The following BTBD8 variants were observed in gnomAD, a reference collection of about 807,000 sequenced individuals.
BTBD8 encodes the protein BTB domain containing 8.
A neutral mutation model predicts 162.9 loss-of-function variants in BTBD8; 110 were observed. The observed-to-expected ratio is 0.68, with a 90% CI of 0.58 to 0.79. The LOEUF is 0.79. BTBD8 is among the 30% of genes least tolerant of loss of function. The pLI is 0.00. For synonymous variants in BTBD8, 667 were observed against 716.1 expected (o/e 0.93, Z 1.10); for missense variants, 1,905 against 2,085.4 (o/e 0.91, Z 1.68).
chr1:92,169,964 A>G (rs965519145), intron 12 of BTBD8, among the ~76,000 whole-genome samples: 4 of 152,094 alleles, frequency 2.6e-5, no homozygotes, highest in Non-Finnish European at 5.9e-5. Context: ...CCTTGTGACT[A>G]TTTCTGTGCT....
chr1:92,122,732 T>G (rs1557447572), intron 4 of BTBD8, among the ~76,000 whole-genome samples: 1 of 151,976 alleles, frequency 6.6e-6, no homozygotes, highest in Non-Finnish European at 1.5e-5. Flanking sequence ...GCCTGGCTAA[T>G]TTTTGTACTT....
intron 2 of BTBD8, among the ~76,000 whole-genome samples, chr1:92,099,697 T>C (rs1325723064): frequency 6.6e-6 from 1 of 152,224 alleles, no homozygotes; most frequent in Non-Finnish European, 1.5e-5. Context: ...AGTGCTAGTA[T>C]ATAAAAACAT....
rs757038013 is a variant in BTBD8, at chr1:92,102,674, G to T, written c.544+5G>T. On this transcript the variant is annotated splice_donor_5th_base_variant and intron_variant, in intron 3 of 17. Transcript: ENST00000636805. ...ATGATGATTTCATTTCCAATGGTGA[G>T]GTATTTTTTATGGAGTTGTATTTAT... 1.4e-6 allele frequency: 2 copies of T among 1,456,998 alleles called. No individual in the cohort carries two copies. The highest frequency in any genetic ancestry group is 1.8e-6 in the Non-Finnish European group (2 of 1,097,980). 90.3% of individuals were successfully genotyped at this position (1,456,998 alleles called of 1,614,324 possible). A position where few individuals can be genotyped will look rare whatever the true frequency, so the allele number is the denominator to read the frequency against.
At chr1:92,100,267 T>C (rs753477250) in intron 2 of BTBD8, among the ~76,000 whole-genome samples, 5 of 152,226 alleles carry the variant, frequency 3.3e-5, no homozygotes, top group Non-Finnish European at 5.9e-5. Flanking sequence ...TTATTTACAC[T>C]AATAAGGAAT....
chr1:92,117,126 A>G (rs1383193188), intron 4 of BTBD8, among the ~76,000 whole-genome samples: 1 of 151,910 alleles, frequency 6.6e-6, no homozygotes, highest in East Asian at 1.9e-4. Flanking sequence ...CTGGGATTAC[A>G]GGTGTGACCT....
chr1:92,148,730 C>A (rs1204693252), intron 9 of BTBD8, among the ~76,000 whole-genome samples: 1 of 152,078 alleles, frequency 6.6e-6, no homozygotes, highest in Non-Finnish European at 1.5e-5. Flanking sequence ...AGTCTTAATC[C>A]CCAAAAGAAG....
chr1:92,183,746 C>A, intron 17 of BTBD8, 118 bp from the exon 18 acceptor site: 1 of 550,600 alleles, frequency 1.8e-6, no homozygotes, highest in Non-Finnish European at 2.9e-6. Context: ...GTTATTTTTC[C>A]CATTCTGTGT....
At chr1:92,133,082 C>T (rs969191806) in intron 5 of BTBD8, among the ~76,000 whole-genome samples, 6 of 152,120 alleles carry the variant, frequency 3.9e-5, no homozygotes, top group Non-Finnish European at 5.9e-5. Context: ...TAAAAAATTA[C>T]ATCTTTTAGG....
chr1:92,088,984 T>C, intron 2 of BTBD8, 89 bp downstream of exon 2: 1 of 1,201,156 alleles, frequency 8.3e-7, no homozygotes, highest in Non-Finnish European at 1.1e-6. Flanking sequence ...TCATATGTAT[T>C]TTGTAACCTG....
chr1:92,093,187 A>ATTTTTT (rs5776134), intron 2 of BTBD8, among the ~76,000 whole-genome samples: 3 of 119,844 alleles, frequency 2.5e-5, no homozygotes, highest in Non-Finnish European at 3.3e-5. Context: ...TGAAATACCA[A>ATTTTTT]TTTTTTTTTT....
At chr1:92,150,403 A>G (rs909471969) in intron 9 of BTBD8, among the ~76,000 whole-genome samples, 3 of 152,226 alleles carry the variant, frequency 2.0e-5, no homozygotes, top group African/African-American at 7.2e-5. Flanking sequence ...CAAGGAATAA[A>G]TGTTTGCAAA....
chr1:92,103,772 C>T (rs1648656573), intron 3 of BTBD8, among the ~76,000 whole-genome samples: 1 of 152,170 alleles, frequency 6.6e-6, no homozygotes, highest in Non-Finnish European at 1.5e-5. Flanking sequence ...GAATGTTTCT[C>T]AATTTTTCTG....
intron 1 of BTBD8, among the ~76,000 whole-genome samples, chr1:92,086,233 T>A (rs1005903366): frequency 6.6e-6 from 1 of 152,178 alleles, no homozygotes; most frequent in African/African-American, 2.4e-5. Flanking sequence ...AGGGGTTTAA[T>A]GCCCTGGGCT....
At chr1:92,092,520 A>G (rs1438856208) in intron 2 of BTBD8, among the ~76,000 whole-genome samples, 3 of 152,140 alleles carry the variant, frequency 2.0e-5, no homozygotes, top group African/African-American at 4.8e-5. Flanking sequence ...CCAGAACCCA[A>G]CATACTGGCA....
rs142987645 is a variant in BTBD8, at chr1:92,142,104, T to C, written c.930+893T>C. On this transcript the variant is annotated intron_variant, in intron 7 of 17. Transcript: ENST00000636805. ...AGTACCACGAACACTACCAACCCCA[T>C]AAGGTTTACTGAGAAATAGTTAACC... is the stretch of plus-strand genomic sequence containing the variant. Among the ~76,000 whole-genome samples the C allele has an allele frequency of 1.8e-3, 268 of 152,288 alleles. 3 individuals carry two copies. Among genetic ancestry groups the C allele is most frequent in the African/African-American group, 5.9e-3 (245 of 41,562 alleles).
chr1:92,110,706 C>A (rs917740474), intron 4 of BTBD8, among the ~76,000 whole-genome samples: 2 of 152,184 alleles, frequency 1.3e-5, no homozygotes, highest in Non-Finnish European at 2.9e-5. Flanking sequence ...CCACGCCTGG[C>A]TAATTTTTTG....
chr1:92,138,519 GT>G (rs1553123789), intron 5 of BTBD8, among the ~76,000 whole-genome samples: 2 of 152,212 alleles, frequency 1.3e-5, no homozygotes, highest in Non-Finnish European at 2.9e-5. Context: ...CTGAGAGAAA[GT>G]TTGAATCTGC....
At chr1:92,129,861 C>T (rs1213823455) in intron 5 of BTBD8, 85 bp downstream of exon 5, 1 of 1,138,416 alleles carries the variant, frequency 8.8e-7, no homozygotes, top group Non-Finnish European at 1.3e-6. Flanking sequence ...ATCTGATTTC[C>T]CTGGATGTTC....
chr1:92,167,952 C>G lies in BTBD8; in HGVS notation c.1410C>G (p.Asp470Glu), dbSNP rs768235701. The change falls in exon 11 of 18, where the codon GAC (aspartate) becomes GAG (glutamate). Residue 470 changes from aspartate (D) to glutamate (E), a missense_variant. Around this residue, in one of 3 missense-constraint regions of BTBD8, gnomAD observed 1,374 missense variants for 1,442.7 expected, o/e 0.95. Coordinates refer to ENST00000636805, the MANE Select transcript of BTBD8 (RefSeq NM_001376131.1). ...ENSCSLLMAL[D>E]TLLNSDSTKE... ...GCTGCTCTCTTCTTATGGCTCTGGA[C>G]ACACTGCTGAACTCTGACAGTACAA... 1 of 1,549,776 alleles carries G rather than the reference C, an allele frequency of 6.5e-7. No homozygotes were observed. The highest frequency in any genetic ancestry group is 1.4e-5 in the African/African-American group (1 of 73,010).
Sources: gnomAD v4.1 joint callset for allele counts (sites outside exome capture counted in the v4.1 genomes callset) on GRCh38, gnomAD v4.1.1 for gene constraint, gnomAD v4.1.1 regional missense constraint, MANE v1.5 for transcripts, NCBI Gene and HGNC (gene_info 2026-07-23, HGNC 2026-07-21) for gene names.